SIRPA: variants seen among roughly 807,000 people sequenced by gnomAD.
The protein encoded by SIRPA is tyrosine-protein phosphatase non-receptor type substrate 1.
Under a neutral mutation model 50.3 loss-of-function variants are expected in SIRPA, and 9 were observed. That is an observed-to-expected ratio of 0.18 (90% CI 0.11 to 0.31). The LOEUF is 0.31. Among genes scored for constraint, SIRPA ranks in the 10% least tolerant of loss-of-function variants. SIRPA has a pLI of 1.00. For synonymous variants in SIRPA, 265 were observed against 284.1 expected, an observed-to-expected ratio of 0.93 and a Z score of 0.68; for missense variants, 474 against 661.6, an observed-to-expected ratio of 0.72 and a Z score of 3.11.
chr20:1,903,643 C>T (rs991612813), intron 1 of SIRPA, among the ~76,000 whole-genome samples: 1 of 152,184 alleles, frequency 6.6e-6, no homozygotes, highest in Non-Finnish European at 1.5e-5. Context: ...GCCTTGGCAG[C>T]GTCCTTTCTG....
At chr20:1,914,973 C>T in intron 1 of SIRPA, 126 bp from the exon 2 acceptor site, 1 of 808,514 alleles carries the variant, frequency 1.2e-6, no homozygotes, top group Non-Finnish European at 2.0e-6. Context: ...ATGATACATG[C>T]ACTATACTGA....
In SIRPA at chr20:1,922,436, T is replaced by A. The variant is rs764356789; in HGVS notation, c.878T>A (p.Val293Glu). The change falls in exon 4 of 8, where the codon GTG (valine) becomes GAG (glutamate). Residue 293 changes from valine to glutamate, a missense_variant. Val to Glu is a moderately radical substitution (Grantham distance 121). Transcript: ENST00000358771. ...LQLTWLENGN[V>E]SRTETASTVT... ...CTGACCTGGTTGGAGAATGGAAACG[T>A]GTCCCGGACAGAAACGGCCTCAACC... 8.1e-6 allele frequency: 13 copies of A among 1,614,238 alleles called. 1 individual carries two copies. In the South Asian group the frequency reaches 1.4e-4, roughly 18 times the overall value.
intron 2 of SIRPA, 63 bp downstream of exon 2, chr20:1,915,518 C>G (rs1174519930): frequency 1.8e-5 from 28 of 1,566,528 alleles, no homozygotes; most frequent in Non-Finnish European, 2.5e-5. Flanking sequence ...ATAACACCCT[C>G]CATTCTTTGA....
chr20:1,903,139 T>A (rs2123001494), intron 1 of SIRPA, among the ~76,000 whole-genome samples: 1 of 151,888 alleles, frequency 6.6e-6, no homozygotes, highest in South Asian at 2.1e-4. Context: ...TGAGCTTGTA[T>A]GTTCCAGGAA....
rs762983577 is a variant in SIRPA, at chr20:1,933,640, C to T, written c.1227-1075C>T. Among the ~76,000 whole-genome samples the T allele has an allele frequency of 3.9e-5, 6 of 152,294 alleles. No individual in the cohort carries two copies. The East Asian group carries it at 5.8e-4, about 15-fold the overall frequency. On this transcript the variant is annotated intron_variant, in intron 6 of 7. Coordinates refer to ENST00000358771, the MANE Select transcript of SIRPA (RefSeq NM_001040023.2). This position sits in a 1 kb window ranked among gnomAD's most constrained non-coding sequence, Gnocchi z 4.4. ...TCCTGGAGGGTTCTTTCTGTGGCCA[C>T]GTGGGGCTTGTCATGTCTCAGAACT...
At chr20:1,907,912 G>A (rs1367205983) in intron 1 of SIRPA, among the ~76,000 whole-genome samples, 1 of 152,170 alleles carries the variant, frequency 6.6e-6, no homozygotes, top group African/African-American at 2.4e-5. Context: ...GTGCAGCCCC[G>A]GCCATGAATG....
rs1984360920 is a variant in SIRPA at position 1,903,477 on chromosome 20, T to G, written c.79+7951T>G. Among the ~76,000 whole-genome samples, 4 of 152,326 alleles carry G rather than the reference T, an allele frequency of 2.6e-5. No homozygotes were observed. The South Asian group carries it at 8.3e-4, about 32-fold the overall frequency. On this transcript the variant is annotated intron_variant, in intron 1 of 7. Coordinates refer to ENST00000358771, the MANE Select transcript of SIRPA (RefSeq NM_001040023.2). Reference sequence around the variant, plus strand: ...CCATTGCTGCTTTCCGCAGCCGTCCTTGCCCCCTTCGGGCTCTTCACCCAT... The same window carrying G: ...CCATTGCTGCTTTCCGCAGCCGTCCGTGCCCCCTTCGGGCTCTTCACCCAT...
In SIRPA at chr20:1,927,144, G is replaced by A. The variant is rs1986028315; in HGVS notation, c.1202-731G>A. Among the ~76,000 whole-genome samples, 1 of 152,258 alleles carries A rather than the reference G, an allele frequency of 6.6e-6. No individual in the cohort carries two copies. The highest frequency in any genetic ancestry group is 6.5e-5 in the Admixed American group (1 of 15,284). Reference sequence around the variant, plus strand: ...ACCCAGCAGCAAGAATTCTTGCACTGTGGCAGCCTCCAGCCTATTAAAGTG... The same window carrying A: ...ACCCAGCAGCAAGAATTCTTGCACTATGGCAGCCTCCAGCCTATTAAAGTG... On this transcript the variant is annotated intron_variant, in intron 5 of 7. Coordinates refer to ENST00000358771, the MANE Select transcript of SIRPA (RefSeq NM_001040023.2). This position sits in a 1 kb window ranked among gnomAD's most constrained non-coding sequence, Gnocchi z 6.5.
At chr20:1,894,362 G>T (rs946454101), upstream of SIRPA, 1 of 151,850 alleles carries the variant, frequency 6.6e-6, no homozygotes, top group Admixed American at 6.5e-5. This position sits in a 1 kb window ranked among gnomAD's most constrained non-coding sequence, Gnocchi z 4.0. Flanking sequence ...AGGGGAGGTC[G>T]GCCGCAACTT....
At chr20:1,903,186 A>G (rs1271275746) in intron 1 of SIRPA, among the ~76,000 whole-genome samples, 1 of 152,100 alleles carries the variant, frequency 6.6e-6, no homozygotes, top group Non-Finnish European at 1.5e-5. Context: ...TGAAAGTAGA[A>G]GAGGTGGGGG....
intron 6 of SIRPA, among the ~76,000 whole-genome samples, chr20:1,930,391 G>A (rs1986233364): frequency 6.6e-6 from 1 of 152,166 alleles, no homozygotes; most frequent in Non-Finnish European, 1.5e-5. Flanking sequence ...CACCATGCCT[G>A]GAATGGGATA....
chr20:1,911,071 C>T (rs1050098270), intron 1 of SIRPA, among the ~76,000 whole-genome samples: 1 of 152,176 alleles, frequency 6.6e-6, no homozygotes, highest in African/African-American at 2.4e-5. Context: ...TACTTGGTAA[C>T]AGACTCTGAT....
chr20:1,924,996 G>C lies in SIRPA; in HGVS notation c.1201+119G>C. ...TTCTGCCAGTAGCAAGAAGTCCAGAGGTAGTGGTGCTAGGGCTGGGGCAGT... is the reference window on the plus strand; with the variant it reads ...TTCTGCCAGTAGCAAGAAGTCCAGACGTAGTGGTGCTAGGGCTGGGGCAGT... On this transcript the variant is annotated intron_variant, in intron 5 of 7. Coordinates refer to ENST00000358771, the MANE Select transcript of SIRPA (RefSeq NM_001040023.2). This position sits in a 1 kb window ranked among gnomAD's most constrained non-coding sequence, Gnocchi z 4.5. 1.3e-6 allele frequency: 1 copy of C among 782,906 alleles called. No homozygotes were observed. Among genetic ancestry groups the C allele is most frequent in the Non-Finnish European group, 2.2e-6 (1 of 459,174 alleles). The allele number at this position is 782,906 out of a possible 1,614,324, so 48.5% of individuals were successfully genotyped here.
intron 1 of SIRPA, among the ~76,000 whole-genome samples, chr20:1,909,335 G>A (rs1984744081): frequency 6.6e-6 from 1 of 152,248 alleles, no homozygotes; most frequent in East Asian, 1.9e-4. Flanking sequence ...ACCCGCCTGG[G>A]CAAGGCTGGT....
rs143485326 is a variant in SIRPA, at chr20:1,928,137, G to C, written c.1226+238G>C. The stretch of plus-strand genomic sequence containing the variant: ...TTCTTGCCTGCTCTTCCCAGACAAC[G>C]AGACCCTTGTCTAATCCCATGTGGA... On this transcript the variant is annotated intron_variant, in intron 6 of 7. Transcript: ENST00000358771. This position sits in a 1 kb window ranked among gnomAD's most constrained non-coding sequence, Gnocchi z 4.9. Among the ~76,000 whole-genome samples the C allele has an allele frequency of 4.5e-4, 68 of 152,260 alleles. 1 individual carries two copies. Among genetic ancestry groups the C allele is most frequent in the South Asian group, 2.1e-3 (10 of 4,822 alleles).
chr20:1,898,062 C>T lies in SIRPA; in HGVS notation c.79+2536C>T, dbSNP rs1318528545. The stretch of plus-strand genomic sequence containing the variant: ...GCCTTGAGACCTCTGAGTCACCCCC[C>T]AGGCCGACCTCAGATAAACTCCCAT... On this transcript the variant is annotated intron_variant, in intron 1 of 7. Coordinates refer to ENST00000358771, the MANE Select transcript of SIRPA (RefSeq NM_001040023.2). The surrounding 1 kb of genome is among the most constrained non-coding windows in gnomAD (Gnocchi z 4.3). Among the ~76,000 whole-genome samples the T allele has an allele frequency of 2.0e-5, 3 of 152,244 alleles. No homozygotes were observed. The highest frequency in any genetic ancestry group is 2.1e-4 in the South Asian group (1 of 4,838).
chr20:1,920,453 G>T (rs1364524294), intron 2 of SIRPA, among the ~76,000 whole-genome samples: 4 of 152,206 alleles, frequency 2.6e-5, no homozygotes, highest in Non-Finnish European at 4.4e-5. Flanking sequence ...CCATCTGCAG[G>T]GAGAAACAGC....
In SIRPA at chr20:1,922,596, C is replaced by G; in HGVS notation, c.1038C>G (p.Asp346Glu). The G allele has an allele frequency of 6.2e-7, 1 of 1,614,028 alleles. No homozygotes were observed. The highest frequency in any genetic ancestry group is 1.7e-5 in the Admixed American group (1 of 59,990). ...AGCCAGCGGTCAGCAAAAGCCATGA[C>G]CTGAAGGTCTCAGCCCACCCGAAGG... ...DGQPAVSKSH[D>E]LKVSAHPKEQ... Residue 346 changes from aspartate (D) to glutamate (E), a missense_variant, in exon 4 of 8, where the codon GAC (aspartate) becomes GAG (glutamate). By Grantham distance (45) the Asp-to-Glu change is conservative (BLOSUM62 2). Around this residue, in one of 4 missense-constraint regions of SIRPA, gnomAD observed 180 missense variants for 206.7 expected, o/e 0.87. Transcript: ENST00000358771.
chr20:1,917,678 A>C (rs1600426218), intron 2 of SIRPA, among the ~76,000 whole-genome samples: 2 of 152,210 alleles, frequency 1.3e-5, no homozygotes, highest in East Asian at 3.8e-4. Flanking sequence ...TCCATGGAGC[A>C]GAGTTGGGCC....
Sources: allele counts gnomAD v4.1 joint callset (sites outside exome capture counted in the v4.1 genomes callset), GRCh38; gene constraint gnomAD v4.1.1; regional missense constraint gnomAD v4.1.1; non-coding constraint Gnocchi (gnomAD v3.1); transcripts MANE v1.5; gene names NCBI Gene and HGNC (gene_info 2026-07-23, HGNC 2026-07-21).